The following SLCO2B1 variants were observed in gnomAD, a reference collection of about 807,000 sequenced individuals.
SLCO2B1 encodes solute carrier organic anion transporter family member 2B1, also known as OATP-RP2.
A neutral mutation model predicts 67.3 loss-of-function variants in SLCO2B1; 41 were observed. The ratio of observed to expected loss-of-function variants is 0.61; its 90% CI spans 0.47 to 0.79. The LOEUF is 0.79. SLCO2B1 is among the 30% of genes least tolerant of loss of function. The pLI, the probability that SLCO2B1 is intolerant of heterozygous loss-of-function variation, is 0.00. For missense variants in SLCO2B1, 837 were observed against 920.1 expected (o/e 0.91, Z 1.17); for synonymous variants, 379 against 381.4 (o/e 0.99, Z 0.07).
At chr11:75,177,989 G>A (rs972662607) in intron 7 of SLCO2B1, among the ~76,000 whole-genome samples, 6 of 151,764 alleles carry the variant, frequency 4.0e-5, no homozygotes, top group Non-Finnish European at 8.8e-5. Flanking sequence ...AGCTATTTGG[G>A]AGGCTGAGGC....
chr11:75,191,026 G>A (rs962057123), intron 8 of SLCO2B1, among the ~76,000 whole-genome samples: 2 of 152,196 alleles, frequency 1.3e-5, no homozygotes, highest in Admixed American at 1.3e-4. Context: ...GGATGCTGAG[G>A]AGAGATGGGG....
chr11:75,181,634 C>G (rs990288745), intron 7 of SLCO2B1, among the ~76,000 whole-genome samples: 1 of 152,136 alleles, frequency 6.6e-6, no homozygotes, highest in Non-Finnish European at 1.5e-5. Flanking sequence ...GAACTTAGTT[C>G]TCACCAAGGA....
chr11:75,176,639 T>C (rs1950028100), intron 7 of SLCO2B1, among the ~76,000 whole-genome samples: 1 of 152,172 alleles, frequency 6.6e-6, no homozygotes. Context: ...AGTCGTTAAC[T>C]TCCATGTTCT....
chr11:75,194,126 A>T (rs1286616901), intron 9 of SLCO2B1, among the ~76,000 whole-genome samples: 3 of 152,174 alleles, frequency 2.0e-5, no homozygotes, highest in Admixed American at 6.5e-5. Context: ...TGGGAGCTAA[A>T]ATTCTGATAT....
chr11:75,167,747 A>T (rs1949909850), intron 4 of SLCO2B1, among the ~76,000 whole-genome samples: 1 of 152,218 alleles, frequency 6.6e-6, no homozygotes, highest in South Asian at 2.1e-4. Context: ...GATTATCATT[A>T]CTTCCTCACA....
chr11:75,159,156 C>A (rs1304292729), intron 1 of SLCO2B1, among the ~76,000 whole-genome samples: 2 of 152,226 alleles, frequency 1.3e-5, no homozygotes, highest in African/African-American at 4.8e-5. Context: ...AAGACAGTAG[C>A]CCGCCGGCTG....
At chr11:75,167,398 C>T (rs1467773730) in intron 4 of SLCO2B1, among the ~76,000 whole-genome samples, 1 of 152,178 alleles carries the variant, frequency 6.6e-6, no homozygotes, top group African/African-American at 2.4e-5. Context: ...ATCCTTACTA[C>T]CATACAAACC....
In SLCO2B1 at chr11:75,165,860, A is replaced by G. The variant is rs1949883198; in HGVS notation, c.359A>G (p.Tyr120Cys). 1 of 1,614,130 alleles carries G rather than the reference A, an allele frequency of 6.2e-7. No individual in the cohort carries two copies. Among genetic ancestry groups the G allele is most frequent in the Admixed American group, 1.7e-5 (1 of 60,020 alleles). Residue 120 changes from tyrosine to cysteine, a missense_variant, in exon 4 of 14, where the codon TAT becomes TGT. Transcript: ENST00000289575. Reference sequence around the variant, plus strand: ...GTGCACCGACCCCGAATGATTGGCTATGGGGCTATCCTTGTGGCCCTGGCG... The same window carrying G: ...GTGCACCGACCCCGAATGATTGGCTGTGGGGCTATCCTTGTGGCCCTGGCG... Reference protein sequence around the residue: ...SRVHRPRMIGYGAILVALAGL... With the variant: ...SRVHRPRMIGCGAILVALAGL...
intron 8 of SLCO2B1, among the ~76,000 whole-genome samples, chr11:75,192,951 G>A (rs1008864706): frequency 6.6e-6 from 1 of 152,146 alleles, no homozygotes; most frequent in African/African-American, 2.4e-5. Flanking sequence ...GGCTGAGGCC[G>A]AGAATCACTT....
chr11:75,161,729 A>G (rs1013056791), intron 1 of SLCO2B1, among the ~76,000 whole-genome samples: 2 of 152,180 alleles, frequency 1.3e-5, no homozygotes, highest in Admixed American at 6.5e-5. Context: ...AAGACCAAGG[A>G]GGCCTGGGCT....
Position 75,188,241 on chromosome 11 carries a change from A to G in SLCO2B1, c.1075+3A>G. ...GACTGTGATCCAGTTCATTAAAGGT[A>G]AGTCAGCTCAGACCAGGTTATGGGG... On this transcript the variant is annotated splice_donor_region_variant and intron_variant, in intron 8 of 13. Transcript: ENST00000289575. 6.2e-7 allele frequency: 1 copy of G among 1,607,162 alleles called. No individual in the cohort carries two copies. The highest frequency in any genetic ancestry group is 8.5e-7 in the Non-Finnish European group (1 of 1,173,672).
At chr11:75,196,769 C>A in intron 10 of SLCO2B1, 90 bp downstream of exon 10, 3 of 1,187,922 alleles carry the variant, frequency 2.5e-6, no homozygotes, top group African/African-American at 1.5e-5. Flanking sequence ...CTTCTGCATG[C>A]TCTCACTCTG....
At chr11:75,153,611 G>C (rs553954732) in intron 1 of SLCO2B1, among the ~76,000 whole-genome samples, 1 of 152,292 alleles carries the variant, frequency 6.6e-6, no homozygotes, top group South Asian at 2.1e-4. Context: ...CACAGGGTGA[G>C]CATGGCCAGG....
intron 4 of SLCO2B1, among the ~76,000 whole-genome samples, chr11:75,167,401 T>C (rs1428061946): frequency 1.3e-5 from 2 of 152,196 alleles, no homozygotes; most frequent in African/African-American, 2.4e-5. Flanking sequence ...CTTACTACCA[T>C]ACAAACCCCT....
chr11:75,162,712 C>T lies in SLCO2B1; in HGVS notation c.74C>T (p.Thr25Ile). ...PDKETKATMG[T>I]ENTPGGKASP... Reference sequence around the variant, plus strand: ...AAGGAAACCAAAGCCACAATGGGCACAGAAAACACACCTGGAGGCAAAGCC... The same window carrying T: ...AAGGAAACCAAAGCCACAATGGGCATAGAAAACACACCTGGAGGCAAAGCC... Residue 25 changes from threonine to isoleucine, a missense_variant, in exon 2 of 14, where the codon ACA (threonine) becomes ATA (isoleucine). Transcript: ENST00000289575. 1 of 1,542,622 alleles carries T rather than the reference C, an allele frequency of 6.5e-7. No homozygotes were observed. Among genetic ancestry groups the T allele is most frequent in the Admixed American group, 1.8e-5 (1 of 54,760 alleles).
intron 1 of SLCO2B1, among the ~76,000 whole-genome samples, 153 bp downstream of exon 1, chr11:75,151,550 G>T (rs980201479): frequency 1.3e-5 from 2 of 152,192 alleles, no homozygotes; most frequent in Admixed American, 6.5e-5. Flanking sequence ...TTCAGTGAAG[G>T]TGTGTTAAAT....
In SLCO2B1 at chr11:75,204,661, A is replaced by G; in HGVS notation, c.*81A>G. ...AGTCCTTTGCCCAAGATTGGGTGTC[A>G]AGAGCCCTGTGTTCCATTCTGGCTC... is the stretch of plus-strand genomic sequence containing the variant. On this transcript the variant is annotated 3_prime_UTR_variant, in exon 14 of 14. Transcript: ENST00000289575. 1 of 1,308,980 alleles carries G rather than the reference A, an allele frequency of 7.6e-7. No homozygotes were observed. Among genetic ancestry groups the G allele is most frequent in the Admixed American group, 2.6e-5 (1 of 38,038 alleles). The allele number at this position is 1,308,980 out of a possible 1,614,324, so 81.1% of individuals were successfully genotyped here.
Position 75,200,322 on chromosome 11 carries a change from C to G in SLCO2B1, c.1698C>G (p.Leu566=). The change falls in exon 11 of 14, where the codon CTC becomes CTG. Residue 566 remains leucine, a synonymous_variant. Coordinates refer to ENST00000289575, the MANE Select transcript of SLCO2B1 (RefSeq NM_007256.5). ...GCCATCTGGTGGTGCCCTTCCTGCT[C>G]CTGGTCAGCCTGGGCTCGGCCCTGG... The part of the protein sequence containing the change: ...TCSHLVVPFL[L]LVSLGSALAC... The G allele has an allele frequency of 6.2e-7, 1 of 1,613,720 alleles. No individual in the cohort carries two copies. The highest frequency in any genetic ancestry group is 8.5e-7 in the Non-Finnish European group (1 of 1,179,966).
In SLCO2B1 at chr11:75,203,105, C is replaced by T. The variant is rs577508799; in HGVS notation, c.1828+140C>T. On this transcript the variant is annotated intron_variant, in intron 12 of 13. Coordinates refer to ENST00000289575, the MANE Select transcript of SLCO2B1 (RefSeq NM_007256.5). The stretch of plus-strand genomic sequence containing the variant: ...AGCTCATGGGGTGACAGACCTGGCC[C>T]AGCTCTCCTAGAGCGGGGTATAGAG... 47 of 1,142,800 alleles carry T rather than the reference C, an allele frequency of 4.1e-5. 1 individual carries two copies. The East Asian group carries it at 1.1e-3, about 26-fold the overall frequency. The allele number at this position is 1,142,800 out of a possible 1,614,324, so 70.8% of individuals were successfully genotyped here. A position where few individuals can be genotyped will look rare whatever the true frequency, so the allele number is the denominator to read the frequency against.
Sources: gnomAD v4.1 joint callset for allele counts (sites outside exome capture counted in the v4.1 genomes callset) on GRCh38, gnomAD v4.1.1 for gene constraint, MANE v1.5 for transcripts, NCBI Gene and HGNC (gene_info 2026-07-23, HGNC 2026-07-21) for gene names.